CELF2: variants seen among roughly 807,000 people sequenced by gnomAD.
CELF2 encodes CUG triplet repeat RNA-binding protein 2.
Under a neutral mutation model 62.6 loss-of-function variants are expected in CELF2, and 8 were observed. The observed-to-expected ratio is 0.13, with a 90% CI of 0.07 to 0.23. The LOEUF (loss-of-function observed/expected upper bound fraction) is 0.23. CELF2 is among the 10% of genes least tolerant of loss of function. CELF2 has a pLI of 1.00. For synonymous variants in CELF2, 258 were observed against 250.0 expected, an observed-to-expected ratio of 1.03 and a Z score of -0.30; for missense variants, 333 against 671.0, an observed-to-expected ratio of 0.50 and a Z score of 5.56.
chr10:10,665,349 G>T, the CELF2 span, among the ~76,000 whole-genome samples: 1 of 151,994 alleles, frequency 6.6e-6, no homozygotes, highest in African/African-American at 2.4e-5. Context: ...TCCATAATAT[G>T]CATAAAGTAT....
the CELF2 span, among the ~76,000 whole-genome samples, chr10:10,554,179 G>C: frequency 2.0e-5 from 3 of 152,116 alleles, no homozygotes; most frequent in Non-Finnish European, 4.4e-5. Flanking sequence ...CAATAGGTTA[G>C]ATACTGGCAA....
intron 2 of CELF2, among the ~76,000 whole-genome samples, chr10:10,998,954 T>C (rs949832333): frequency 3.3e-5 from 5 of 152,202 alleles, no homozygotes; most frequent in Non-Finnish European, 5.9e-5. Context: ...TTATGGAAAG[T>C]AATGAAGGTA....
chr10:10,480,079 G>C, the CELF2 span, among the ~76,000 whole-genome samples: 6 of 152,106 alleles, frequency 3.9e-5, no homozygotes, highest in Non-Finnish European at 8.8e-5. Context: ...ACTTCAGCGG[G>C]TCTTCGGAAA....
At chr10:10,605,634 C>T in the CELF2 span, among the ~76,000 whole-genome samples, 11 of 152,306 alleles carry the variant, frequency 7.2e-5, no homozygotes, top group South Asian at 2.1e-4. Flanking sequence ...GACTGGGCCT[C>T]GCCCTGGCCA....
the CELF2 span, among the ~76,000 whole-genome samples, chr10:10,515,776 C>T: frequency 6.6e-6 from 1 of 152,200 alleles, no homozygotes; most frequent in Non-Finnish European, 1.5e-5. Context: ...GGGTCAGTCA[C>T]TAAACCAGTT....
chr10:11,207,458 G>C lies in CELF2; in HGVS notation c.272-9967G>C, dbSNP rs1442864236. On this transcript the variant is annotated intron_variant, in intron 2 of 12. Transcript: ENST00000633077. This position sits in a 1 kb window ranked among gnomAD's most constrained non-coding sequence, Gnocchi z 4.1. ...TTGGAGGGAAGGTATGGGGTTGCCA[G>C]GGACCCCAGTGAGATCATTGTTCCC... 2.6e-5 allele frequency among the ~76,000 whole-genome samples: 4 copies of C among 152,234 alleles called. No homozygotes were observed. The highest frequency in any genetic ancestry group is 9.6e-5 in the African/African-American group (4 of 41,454).
Position 11,270,818 on chromosome 10 carries a change from T to C in CELF2, c.771T>C (p.Tyr257=). The C allele has an allele frequency of 7.0e-7, 1 of 1,428,940 alleles. No individual in the cohort carries two copies. The highest frequency in any genetic ancestry group is 9.3e-7 in the Non-Finnish European group (1 of 1,079,952). The allele number at this position is 1,428,940 out of a possible 1,614,324, so 88.5% of individuals were successfully genotyped here. A position where few individuals can be genotyped will look rare whatever the true frequency, so the allele number is the denominator to read the frequency against. Residue 257 remains tyrosine (Y), a synonymous_variant, in exon 7 of 13, where the codon TAT becomes TAC. Coordinates refer to ENST00000633077, the MANE Select transcript of CELF2 (RefSeq NM_001326342.2). This position sits in a 1 kb window ranked among gnomAD's most constrained non-coding sequence, Gnocchi z 5.8. ...GGCTGGGCGGACTGACCCCACAGTA[T>C]CTGGCGGTAAGTGCTGGGCAATGCC... ...LTGLGGLTPQ[Y]LALLQQATSS...
chr10:11,162,323 A>G (rs7080416), intron 1 of CELF2, among the ~76,000 whole-genome samples: 2,315 of 152,266 alleles, frequency 0.015, 54 homozygotes, highest in African/African-American at 0.052. Context: ...AGGACCACCT[A>G]TTTTGCTTTT....
chr10:10,554,107 T>C, the CELF2 span, among the ~76,000 whole-genome samples: 1 of 151,976 alleles, frequency 6.6e-6, no homozygotes, highest in Non-Finnish European at 1.5e-5. Flanking sequence ...ATTGGTGATG[T>C]AGGAATGAGC....
the CELF2 span, among the ~76,000 whole-genome samples, chr10:10,759,135 C>T: frequency 6.6e-6 from 1 of 152,000 alleles, no homozygotes; most frequent in Non-Finnish European, 1.5e-5. Flanking sequence ...GCATAGCATG[C>T]AAATGCATCA....
rs1255667602 is a variant in CELF2, at chr10:11,309,753, G to C, written c.977-4386G>C. ...CCCTGCCCTCTCTGCTAAGCTTTCA[G>C]CTGGTCTACTTTGCCATCATGGAGC... On this transcript the variant is annotated intron_variant, in intron 9 of 12. Coordinates refer to ENST00000633077, the MANE Select transcript of CELF2 (RefSeq NM_001326342.2). The surrounding 1 kb of genome is among the most constrained non-coding windows in gnomAD (Gnocchi z 5.6). 1.3e-5 allele frequency among the ~76,000 whole-genome samples: 2 copies of C among 152,264 alleles called. No individual in the cohort carries two copies. Among genetic ancestry groups the C allele is most frequent in the East Asian group, 3.9e-4 (2 of 5,188 alleles).
Position 11,315,541 on chromosome 10 carries a change from C to A in CELF2, c.1096+1283C>A, listed in dbSNP as rs1224898367. Among the ~76,000 whole-genome samples the A allele has an allele frequency of 6.6e-6, 1 of 152,120 alleles. No homozygotes were observed. Among genetic ancestry groups the A allele is most frequent in the African/African-American group, 2.4e-5 (1 of 41,404 alleles). On this transcript the variant is annotated intron_variant, in intron 10 of 12. Transcript: ENST00000633077. The surrounding 1 kb of genome is among the most constrained non-coding windows in gnomAD (Gnocchi z 5.8). ...ATTAACTTGTATAATCCTGATAAAT[C>A]ATTTTCAGAATTAGGACATTTTTCA...
At chr10:10,847,832 C>A (rs1437067925) in intron 1 of CELF2, among the ~76,000 whole-genome samples, 1 of 152,156 alleles carries the variant, frequency 6.6e-6, no homozygotes, top group Non-Finnish European at 1.5e-5. Flanking sequence ...TAATGGACAG[C>A]CAGATTTTAT....
At chr10:11,274,685 G>A (rs938913816) in intron 7 of CELF2, among the ~76,000 whole-genome samples, 1 of 152,190 alleles carries the variant, frequency 6.6e-6, no homozygotes, top group African/African-American at 2.4e-5. Context: ...AACGGTGCTG[G>A]AAAGTAGAAG....
At chr10:11,044,148 A>G (rs1180284094) in intron 1 of CELF2, among the ~76,000 whole-genome samples, 1 of 152,154 alleles carries the variant, frequency 6.6e-6, no homozygotes, top group Non-Finnish European at 1.5e-5. Flanking sequence ...GTGTCCCATC[A>G]CTTTCTATCC....
In CELF2 at chr10:11,178,049, A is replaced by T. The variant is rs887073045; in HGVS notation, c.271+12367A>T. Among the ~76,000 whole-genome samples the T allele has an allele frequency of 4.6e-5, 7 of 152,184 alleles. No individual in the cohort carries two copies. The highest frequency in any genetic ancestry group is 1.7e-4 in the African/African-American group (7 of 41,446). On this transcript the variant is annotated intron_variant, in intron 2 of 12. Transcript: ENST00000633077. The surrounding 1 kb of genome is among the most constrained non-coding windows in gnomAD (Gnocchi z 4.3). ...AAGAGGGTTTCAGGTGTTTGCAAAGAGGTCAGATCCCTACACATGAAACGC... is the reference window on the plus strand; with the variant it reads ...AAGAGGGTTTCAGGTGTTTGCAAAGTGGTCAGATCCCTACACATGAAACGC...
intron 1 of CELF2, among the ~76,000 whole-genome samples, chr10:11,068,117 C>T (rs928528527): frequency 4.6e-5 from 7 of 152,160 alleles, no homozygotes; most frequent in African/African-American, 1.7e-4. Context: ...ACTCATTTTC[C>T]CAGGTCCCTG....
the CELF2 span, among the ~76,000 whole-genome samples, chr10:10,470,729 C>T: frequency 1.3e-5 from 2 of 151,124 alleles, no homozygotes; most frequent in Non-Finnish European, 3.0e-5. Flanking sequence ...CCAAATACTC[C>T]AGAATAATCT....
At chr10:10,497,876 TTAACATCTTCACTCTGGATTTTC>T in the CELF2 span, among the ~76,000 whole-genome samples, 1 of 152,152 alleles carries the variant, frequency 6.6e-6, no homozygotes, top group Non-Finnish European at 1.5e-5. Flanking sequence ...GCCTTACAAT[TTAACATCTTCACTCTGGATTTTC>T]TGTTGAGAAT....
Sources: allele counts gnomAD v4.1 joint callset (sites outside exome capture counted in the v4.1 genomes callset), GRCh38; gene constraint gnomAD v4.1.1; non-coding constraint Gnocchi (gnomAD v3.1); transcripts MANE v1.5; gene names NCBI Gene and HGNC (gene_info 2026-07-23, HGNC 2026-07-21).